Variants in CDH12 observed in about 807,000 individuals in gnomAD.
The protein encoded by CDH12 is cadherin 12, also known as cadherin-12.
Under a neutral mutation model 74.1 loss-of-function variants are expected in CDH12, and 41 were observed. The ratio of observed to expected loss-of-function variants is 0.55; its 90% CI spans 0.43 to 0.72. The LOEUF (loss-of-function observed/expected upper bound fraction) is 0.72. CDH12 is among the 30% of genes least tolerant of loss of function. CDH12 has a pLI of 0.00. For missense variants in CDH12, 945 were observed against 977.2 expected (o/e 0.97, Z 0.44); for synonymous variants, 399 against 355.0 (o/e 1.12, Z -1.39).
intron 11 of CDH12, among the ~76,000 whole-genome samples, chr5:21,774,039 A>G (rs1458664347): frequency 6.6e-6 from 1 of 152,102 alleles, no homozygotes; most frequent in Non-Finnish European, 1.5e-5. Flanking sequence ...CAAAGGGTAG[A>G]CTTGTGATGG....
chr5:21,859,342 A>AG (rs1311078249), intron 6 of CDH12, among the ~76,000 whole-genome samples: 1 of 151,894 alleles, frequency 6.6e-6, no homozygotes, highest in East Asian at 1.9e-4. Context: ...TGTCAAGCAA[A>AG]GGGGAAAAAG....
chr5:22,847,100 ATCT>A (rs1260925015), intron 1 of CDH12, among the ~76,000 whole-genome samples: 3 of 152,062 alleles, frequency 2.0e-5, no homozygotes, highest in Admixed American at 6.6e-5. Flanking sequence ...TATATTGGTG[ATCT>A]TCTTCTAGTA....
At chr5:22,599,524 A>C (rs1736754421) in intron 1 of CDH12, among the ~76,000 whole-genome samples, 1 of 152,082 alleles carries the variant, frequency 6.6e-6, no homozygotes, top group Non-Finnish European at 1.5e-5. Context: ...AGTTCTTATC[A>C]TTGAAGTTTT....
At chr5:22,753,875 A>G (rs988372126) in intron 1 of CDH12, among the ~76,000 whole-genome samples, 1 of 152,100 alleles carries the variant, frequency 6.6e-6, no homozygotes, top group Non-Finnish European at 1.5e-5. Context: ...ACAAAAACCA[A>G]AGAAATAAAA....
chr5:22,267,428 G>T (rs1047517875), intron 3 of CDH12, among the ~76,000 whole-genome samples: 2 of 152,152 alleles, frequency 1.3e-5, no homozygotes, highest in Admixed American at 6.5e-5. Context: ...TGAAATCACA[G>T]TGCTTTATTC....
chr5:21,822,634 G>A (rs1748435648), intron 8 of CDH12, among the ~76,000 whole-genome samples: 1 of 152,034 alleles, frequency 6.6e-6, no homozygotes, highest in Admixed American at 6.6e-5. Flanking sequence ...AGTAATAACA[G>A]AAACATCCAC....
intron 1 of CDH12, among the ~76,000 whole-genome samples, chr5:22,555,156 T>C (rs1738743154): frequency 6.6e-6 from 1 of 152,038 alleles, no homozygotes; most frequent in South Asian, 2.1e-4. Flanking sequence ...TAGTCTTAAA[T>C]GTATCTTCTT....
chr5:22,404,185 T>TACAC (rs547489990), intron 3 of CDH12, among the ~76,000 whole-genome samples: 1 of 151,206 alleles, frequency 6.6e-6, no homozygotes, highest in Non-Finnish European at 1.5e-5. Context: ...TTTATAAATT[T>TACAC]ACACACACAC....
chr5:22,830,746 A>G (rs1736566437), intron 1 of CDH12, among the ~76,000 whole-genome samples: 1 of 151,688 alleles, frequency 6.6e-6, no homozygotes, highest in African/African-American at 2.4e-5. Context: ...TTTAAAATCT[A>G]AGTCCAATTA....
chr5:22,317,671 C>T (rs865960574), intron 3 of CDH12, among the ~76,000 whole-genome samples: 1 of 152,120 alleles, frequency 6.6e-6, no homozygotes, highest in Admixed American at 6.5e-5. Context: ...CCTACTTTTA[C>T]CTGCAAGTGA....
At chr5:22,236,397 G>A (rs1752559652) in intron 3 of CDH12, among the ~76,000 whole-genome samples, 1 of 151,998 alleles carries the variant, frequency 6.6e-6, no homozygotes, top group African/African-American at 2.4e-5. Context: ...TATTTTTCAA[G>A]TTTTTCATTT....
intron 6 of CDH12, among the ~76,000 whole-genome samples, chr5:21,945,891 T>C (rs1755557180): frequency 6.6e-6 from 1 of 151,802 alleles, no homozygotes; most frequent in Non-Finnish European, 1.5e-5. Flanking sequence ...ACTTCAACCT[T>C]CCCAAATTGG....
chr5:22,470,194 G>T (rs1312684584), intron 2 of CDH12, among the ~76,000 whole-genome samples: 1 of 152,022 alleles, frequency 6.6e-6, no homozygotes, highest in African/African-American at 2.4e-5. Context: ...AGGGTAAAAG[G>T]ATTCTTACTT....
Position 22,075,542 on chromosome 5 carries a change from T to C in CDH12, c.231+2904A>G, listed in dbSNP as rs1580209656. 4.6e-5 allele frequency among the ~76,000 whole-genome samples: 7 copies of C among 152,282 alleles called. No homozygotes were observed. In the East Asian group the frequency reaches 1.3e-3, roughly 29 times the overall value. On this transcript the variant is annotated intron_variant, in intron 5 of 14. Coordinates refer to ENST00000382254, the MANE Select transcript of CDH12 (RefSeq NM_004061.5). Reference sequence around the variant, plus strand: ...ACTTCCTCTGATTTTCTTTATGACATTTTCTTTTCTCTAGATTCCTTTATT... The same window carrying C: ...ACTTCCTCTGATTTTCTTTATGACACTTTCTTTTCTCTAGATTCCTTTATT...
At chr5:22,764,618 G>T (rs1040543819) in intron 1 of CDH12, among the ~76,000 whole-genome samples, 2 of 151,960 alleles carry the variant, frequency 1.3e-5, no homozygotes, top group Non-Finnish European at 2.9e-5. Flanking sequence ...TCTCTATAGT[G>T]AAAATGTTAA....
chr5:22,021,805 AAGG>A (rs1191148544), intron 5 of CDH12, among the ~76,000 whole-genome samples: 1 of 152,172 alleles, frequency 6.6e-6, no homozygotes, highest in East Asian at 1.9e-4. Flanking sequence ...TTATTAGAGC[AAGG>A]AGTTAGAATG....
At chr5:22,312,701 A>G (rs561784863) in intron 3 of CDH12, among the ~76,000 whole-genome samples, 197 of 152,268 alleles carry the variant, frequency 1.3e-3, no homozygotes, top group African/African-American at 4.5e-3. Context: ...ACCAAACACT[A>G]ATCCATCTTT....
intron 6 of CDH12, among the ~76,000 whole-genome samples, chr5:21,880,004 A>C (rs1436959961): frequency 1.3e-5 from 2 of 152,230 alleles, no homozygotes; most frequent in Non-Finnish European, 2.9e-5. Flanking sequence ...GTGAGCAGAC[A>C]GTTCTGATGT....
intron 1 of CDH12, among the ~76,000 whole-genome samples, chr5:22,812,374 C>G (rs1749194457): frequency 6.6e-6 from 1 of 152,162 alleles, no homozygotes; most frequent in South Asian, 2.1e-4. Flanking sequence ...TCCGTCTCCT[C>G]TGCAAACACA....
Sources: allele counts gnomAD v4.1 joint callset (sites outside exome capture counted in the v4.1 genomes callset), GRCh38; gene constraint gnomAD v4.1.1; transcripts MANE v1.5; gene names NCBI Gene and HGNC (gene_info 2026-07-23, HGNC 2026-07-21).